CENPP: variants seen among roughly 807,000 people sequenced by gnomAD.
CENPP encodes centromere protein P.
CENPP carries 24 observed loss-of-function variants against 35.6 expected under a neutral mutation model. The observed-to-expected ratio is 0.67, with a 90% CI of 0.49 to 0.95. The LOEUF (loss-of-function observed/expected upper bound fraction) is 0.95, where lower values mean the gene tolerates loss of function less well. CENPP is among the 40% of genes least tolerant of loss of function. The pLI, the probability that CENPP is intolerant of heterozygous loss-of-function variation, is 0.00. For missense variants in CENPP, 332 were observed against 345.3 expected (o/e 0.96, Z 0.31); for synonymous variants, 120 against 125.5 (o/e 0.96, Z 0.29).
At chr9:92,460,607 C>T in intron 5 of CENPP, 1 of 1,252,706 alleles carries the variant, frequency 8.0e-7, no homozygotes, top group Admixed American at 1.8e-5. Flanking sequence ...TCAAGTATCA[C>T]TAAGCCCAAT....
chr9:92,489,352 G>A (rs151278724), intron 5 of CENPP, among the ~76,000 whole-genome samples: 1 of 152,344 alleles, frequency 6.6e-6, no homozygotes, highest in East Asian at 1.9e-4. Context: ...TGCTAGGGAA[G>A]CCTCTGCCCA....
chr9:92,524,582 A>G (rs1848277266), intron 5 of CENPP, among the ~76,000 whole-genome samples: 1 of 152,150 alleles, frequency 6.6e-6, no homozygotes, highest in Non-Finnish European at 1.5e-5. Context: ...ACATACTCAC[A>G]TACACACACC....
At chr9:92,334,714 T>C (rs998564003) in intron 2 of CENPP, among the ~76,000 whole-genome samples, 1 of 149,766 alleles carries the variant, frequency 6.7e-6, no homozygotes, top group Non-Finnish European at 1.5e-5. Flanking sequence ...ACCCCATCTC[T>C]ACTAAAAATA....
intron 5 of CENPP, among the ~76,000 whole-genome samples, chr9:92,479,606 C>T (rs1445658872): frequency 6.6e-6 from 1 of 152,222 alleles, no homozygotes; most frequent in Non-Finnish European, 1.5e-5. Flanking sequence ...GCATCTTCCA[C>T]AGTTGTCCAT....
intron 1 of CENPP, 133 bp downstream of exon 1, chr9:92,326,238 C>G: frequency 6.3e-6 from 4 of 638,294 alleles, no homozygotes; most frequent in Non-Finnish European, 1.1e-5. Context: ...TTGATCCTGT[C>G]ATGACGATGG....
At chr9:92,386,209 G>T in intron 5 of CENPP, 2 of 1,602,502 alleles carry the variant, frequency 1.2e-6, no homozygotes, top group South Asian at 2.2e-5. Context: ...ACCTGAAGAT[G>T]AATTACACGT....
At chr9:92,578,020 G>T (rs971269202) in intron 5 of CENPP, among the ~76,000 whole-genome samples, 6 of 139,436 alleles carry the variant, frequency 4.3e-5, no homozygotes, top group African/African-American at 1.6e-4. Flanking sequence ...TCATTGTTCA[G>T]TTCCCACCTA....
At position 92,613,087 on chromosome 9, in the gene CENPP, C is replaced by T; in HGVS notation, c.805C>T (p.Leu269Phe). The change falls in exon 8 of 8, where the codon CTT (leucine) becomes TTT (phenylalanine). Residue 269 changes from leucine (L) to phenylalanine (F), a missense_variant. By Grantham distance (22) the Leu-to-Phe change is conservative. Transcript: ENST00000375587. ...PLSFRTLVGL[L>F]GIEAALESLI... ...CAGCTTCCGAACCCTGGTAGGACTGCTTGGAATCGAAGCTGCTCTGGAAAG... is the reference window on the plus strand; with the variant it reads ...CAGCTTCCGAACCCTGGTAGGACTGTTTGGAATCGAAGCTGCTCTGGAAAG... The T allele has an allele frequency of 1.2e-6, 2 of 1,614,216 alleles. No individual in the cohort carries two copies. Among genetic ancestry groups the T allele is most frequent in the Non-Finnish European group, 1.7e-6 (2 of 1,180,022 alleles).
intron 5 of CENPP, among the ~76,000 whole-genome samples, chr9:92,405,765 G>C (rs1843287588): frequency 6.6e-6 from 1 of 152,198 alleles, no homozygotes; most frequent in Non-Finnish European, 1.5e-5. Flanking sequence ...ACACTTTGAT[G>C]CTTTGTACTA....
chr9:92,362,527 A>AT (rs1841782608), intron 4 of CENPP, among the ~76,000 whole-genome samples: 1 of 152,224 alleles, frequency 6.6e-6, no homozygotes, highest in African/African-American at 2.4e-5. Context: ...CCTTCTCAGC[A>AT]TAGCTGTCCC....
intron 5 of CENPP, chr9:92,500,787 G>C (rs752368753): frequency 9.3e-6 from 15 of 1,614,104 alleles, no homozygotes; most frequent in Non-Finnish European, 1.2e-5. Context: ...TATCCCAGGT[G>C]GTATAGATTT....
At chr9:92,603,614 ACT>A (rs1005591955) in intron 5 of CENPP, among the ~76,000 whole-genome samples, 3 of 151,682 alleles carry the variant, frequency 2.0e-5, no homozygotes, top group African/African-American at 7.3e-5. Context: ...TCCTGCCTAC[ACT>A]CAGCTCTGAT....
chr9:92,366,042 C>T lies in CENPP; in HGVS notation c.468-13721C>T, dbSNP rs564396602. ...AAAAATTCAAAAAATTAGCCAGGCG[C>T]GGTGGCGGGCACCTGTAGTCCCAGC... On this transcript the variant is annotated intron_variant, in intron 4 of 7. Coordinates refer to ENST00000375587, the MANE Select transcript of CENPP (RefSeq NM_001012267.3). Among the ~76,000 whole-genome samples, 11 of 151,678 alleles carry T rather than the reference C, an allele frequency of 7.3e-5. No individual in the cohort carries two copies. In the South Asian group the frequency reaches 1.5e-3, roughly 20 times the overall value.
At chr9:92,560,380 T>C (rs1391527771) in intron 5 of CENPP, among the ~76,000 whole-genome samples, 1 of 152,194 alleles carries the variant, frequency 6.6e-6, no homozygotes, top group Non-Finnish European at 1.5e-5. Context: ...GTTTGCCATC[T>C]AGTCTTGGGT....
chr9:92,444,959 G>A (rs1021255511), intron 5 of CENPP, among the ~76,000 whole-genome samples: 8 of 152,086 alleles, frequency 5.3e-5, no homozygotes, highest in East Asian at 3.9e-4. Context: ...TGGTCCAGTC[G>A]GACCAGCCCT....
chr9:92,452,469 A>C (rs1230770642), intron 5 of CENPP, among the ~76,000 whole-genome samples: 5 of 152,214 alleles, frequency 3.3e-5, no homozygotes, highest in Non-Finnish European at 5.9e-5. Context: ...ATGGTAGATA[A>C]GCTTTTTGAT....
chr9:92,605,672 T>C (rs1283062282), intron 5 of CENPP, among the ~76,000 whole-genome samples: 12 of 152,176 alleles, frequency 7.9e-5, no homozygotes, highest in Admixed American at 7.9e-4. Flanking sequence ...GACCTAACTT[T>C]AAGAGCTAAA....
chr9:92,365,983 AT>A (rs1408392246), intron 4 of CENPP, among the ~76,000 whole-genome samples: 1 of 151,770 alleles, frequency 6.6e-6, no homozygotes, highest in African/African-American at 2.4e-5. Flanking sequence ...GATCGAGACC[AT>A]CCTGGCTAAC....
chr9:92,447,865 G>T (rs191727038), intron 5 of CENPP, among the ~76,000 whole-genome samples: 3 of 152,300 alleles, frequency 2.0e-5, no homozygotes, highest in Admixed American at 6.5e-5. Flanking sequence ...TTATGAGTTC[G>T]AAGGAAATGG....
Sources: allele counts gnomAD v4.1 joint callset (sites outside exome capture counted in the v4.1 genomes callset), GRCh38; gene constraint gnomAD v4.1.1; transcripts MANE v1.5; gene names NCBI Gene and HGNC (gene_info 2026-07-23, HGNC 2026-07-21).